EXOC4: variants seen among roughly 807,000 people sequenced by gnomAD.
The protein encoded by EXOC4 is SEC8-like 1.
EXOC4 carries 71 observed loss-of-function variants against 107.2 expected under a neutral mutation model. The ratio of observed to expected loss-of-function variants is 0.66; its 90% confidence interval spans 0.55 to 0.81. The LOEUF (loss-of-function observed/expected upper bound fraction) is 0.81, where lower values mean the gene tolerates loss of function less well. Among genes scored for constraint, EXOC4 ranks in the 30% least tolerant of loss-of-function variants. The pLI is 0.00. For synonymous variants in EXOC4, 456 were observed against 441.2 expected (o/e 1.03, Z -0.42); for missense variants, 1,108 against 1,189.6 (o/e 0.93, Z 1.01).
rs1349316832 is a variant in EXOC4, at chr7:133,253,107, G to A, written c.6G>A (p.Ala2=). The A allele has an allele frequency of 1.2e-6, 2 of 1,614,102 alleles. No individual in the cohort carries two copies. The change falls in exon 1 of 18, where the codon GCG becomes GCA. Residue 2 remains alanine, a synonymous_variant. Transcript: ENST00000253861. The part of the protein sequence containing the change: M[A]AEAAGGKYRS... ...CGGCTCTCCCCGCGTCCAAGATGGC[G>A]GCAGAAGCAGCTGGTGGGAAATACA...
chr7:133,487,812 C>T (rs897043884), intron 9 of EXOC4, among the ~76,000 whole-genome samples: 1 of 152,078 alleles, frequency 6.6e-6, no homozygotes, highest in Non-Finnish European at 1.5e-5. Context: ...TAAAAGTTAA[C>T]TTATATCTCA....
At chr7:133,712,623 TA>T (rs1364709587) in intron 10 of EXOC4, among the ~76,000 whole-genome samples, 1 of 151,864 alleles carries the variant, frequency 6.6e-6, no homozygotes, top group Non-Finnish European at 1.5e-5. Context: ...AATAAAAATT[TA>T]AAAAGGGACT....
intron 10 of EXOC4, among the ~76,000 whole-genome samples, chr7:133,640,582 C>T (rs998331100): frequency 5.9e-5 from 9 of 152,096 alleles, no homozygotes; most frequent in African/African-American, 1.9e-4. Context: ...AGAGATCTTG[C>T]GGTGGAGCAG....
At chr7:133,992,430 C>T (rs548916456) in intron 14 of EXOC4, among the ~76,000 whole-genome samples, 1 of 152,000 alleles carries the variant, frequency 6.6e-6, no homozygotes, top group East Asian at 1.9e-4. Context: ...TTATAGGCAC[C>T]CGCCACCAAG....
At chr7:133,475,871 G>C (rs1421747227) in intron 8 of EXOC4, among the ~76,000 whole-genome samples, 1 of 152,146 alleles carries the variant, frequency 6.6e-6, no homozygotes, top group African/African-American at 2.4e-5. Flanking sequence ...TAGCTAAGCA[G>C]TATTGGGCCT....
intron 6 of EXOC4, among the ~76,000 whole-genome samples, chr7:133,358,352 T>C (rs1452318268): frequency 6.6e-6 from 1 of 152,210 alleles, no homozygotes; most frequent in African/African-American, 2.4e-5. Context: ...GATGAGGTTA[T>C]ATGGTTGTGG....
At chr7:133,315,925 A>G (rs1449793397) in intron 4 of EXOC4, among the ~76,000 whole-genome samples, 1 of 152,210 alleles carries the variant, frequency 6.6e-6, no homozygotes, top group Non-Finnish European at 1.5e-5. Flanking sequence ...TTGTTCGAGT[A>G]ATGATTCCCT....
chr7:133,844,421 T>C (rs1798083920), intron 11 of EXOC4, among the ~76,000 whole-genome samples: 1 of 142,832 alleles, frequency 7.0e-6, no homozygotes, highest in African/African-American at 2.7e-5. Context: ...GATGGAGTCT[T>C]GCTCTGTCGC....
intron 5 of EXOC4, among the ~76,000 whole-genome samples, chr7:133,323,694 G>A (rs1795168394): frequency 6.6e-6 from 1 of 152,178 alleles, no homozygotes; most frequent in South Asian, 2.1e-4. Flanking sequence ...GCCTCTGTCA[G>A]GCTTTGGTAT....
At chr7:133,818,724 C>T (rs1422536047) in intron 11 of EXOC4, among the ~76,000 whole-genome samples, 2 of 152,052 alleles carry the variant, frequency 1.3e-5, no homozygotes, top group Non-Finnish European at 2.9e-5. Flanking sequence ...TGGCTGGGGT[C>T]TTCTCCTCTC....
intron 9 of EXOC4, among the ~76,000 whole-genome samples, chr7:133,534,086 G>C (rs990363323): frequency 6.6e-6 from 1 of 152,218 alleles, no homozygotes; most frequent in South Asian, 2.1e-4. Context: ...TAAGAACTTC[G>C]TTTGTTTCCA....
chr7:133,778,126 C>G (rs1796384271), intron 10 of EXOC4, among the ~76,000 whole-genome samples: 1 of 152,156 alleles, frequency 6.6e-6, no homozygotes, highest in African/African-American at 2.4e-5. Context: ...ATGATTAAGA[C>G]AAAGGAAAGG....
chr7:133,823,229 C>T (rs550204619), intron 11 of EXOC4, among the ~76,000 whole-genome samples: 5 of 152,264 alleles, frequency 3.3e-5, no homozygotes, highest in East Asian at 1.9e-4. Flanking sequence ...GGCTAGAATC[C>T]GCCTGCAAAC....
the EXOC4 span, among the ~76,000 whole-genome samples, chr7:134,073,455 C>T: frequency 1.3e-5 from 2 of 151,912 alleles, no homozygotes; most frequent in Admixed American, 6.6e-5. Flanking sequence ...TTTTGCATCT[C>T]GTTGCCTGCC....
At chr7:133,323,236 T>C (rs1795156367) in intron 5 of EXOC4, among the ~76,000 whole-genome samples, 1 of 152,182 alleles carries the variant, frequency 6.6e-6, no homozygotes, top group Admixed American at 6.5e-5. Flanking sequence ...TGGCCAGAAC[T>C]TCCAATAGTA....
intron 10 of EXOC4, among the ~76,000 whole-genome samples, chr7:133,808,444 A>G (rs1797132499): frequency 6.6e-6 from 1 of 152,134 alleles, no homozygotes; most frequent in African/African-American, 2.4e-5. Flanking sequence ...CTCAGATAAT[A>G]CTAGTGAGTT....
intron 9 of EXOC4, among the ~76,000 whole-genome samples, chr7:133,510,813 A>C (rs994405480): frequency 6.6e-6 from 1 of 152,174 alleles, no homozygotes; most frequent in African/African-American, 2.4e-5. Context: ...TACATATCAC[A>C]CCAGAAGCTG....
At chr7:133,336,724 A>ATTTTAT (rs1162302387) in intron 5 of EXOC4, among the ~76,000 whole-genome samples, 1 of 85,500 alleles carries the variant, frequency 1.2e-5, no homozygotes, top group Non-Finnish European at 2.3e-5. Context: ...ATTTTATTTT[A>ATTTTAT]TTTATTTTAT....
chr7:133,561,604 G>T (rs1800805340), intron 9 of EXOC4, among the ~76,000 whole-genome samples: 1 of 152,206 alleles, frequency 6.6e-6, no homozygotes, highest in Non-Finnish European at 1.5e-5. Context: ...GCAGGTTCTT[G>T]AATAACATTG....
Sources: gnomAD v4.1 joint callset for allele counts (sites outside exome capture counted in the v4.1 genomes callset) on GRCh38, gnomAD v4.1.1 for gene constraint, MANE v1.5 for transcripts, NCBI Gene and HGNC (gene_info 2026-07-23, HGNC 2026-07-21) for gene names.